RAD9B: variants seen among roughly 807,000 people sequenced by gnomAD.
RAD9B encodes the protein RAD9 checkpoint clamp component B.
RAD9B carries 41 observed loss-of-function variants against 48.3 expected under a neutral mutation model. That is an observed-to-expected ratio of 0.85 (90% CI 0.66 to 1.10). RAD9B has a LOEUF of 1.10. Among genes scored for constraint, RAD9B ranks in the 50% least tolerant of loss-of-function variants. The pLI is 0.00. For synonymous variants in RAD9B, 160 were observed against 157.9 expected (o/e 1.01, Z -0.10); for missense variants, 444 against 485.1 (o/e 0.92, Z 0.80).
At position 110,531,954 on chromosome 12, in the gene RAD9B, G is replaced by A. The variant is rs979928093; in HGVS notation, c.*1301G>A. On this transcript the variant is annotated 3_prime_UTR_variant, in exon 11 of 11. Transcript: ENST00000409300. ...GACTTTGTGAGAAATTCATAAAGGT[G>A]GCTGAGTGGATTTGCATGCTTTAGA... 7 of 287,928 alleles carry A rather than the reference G, an allele frequency of 2.4e-5. No individual in the cohort carries two copies. Among genetic ancestry groups the A allele is most frequent in the South Asian group, 9.5e-5 (2 of 20,976 alleles). 17.8% of individuals were successfully genotyped at this position (287,928 alleles called of 1,614,324 possible).
At chr12:110,527,105 G>A (rs779193165) in intron 10 of RAD9B, among the ~76,000 whole-genome samples, 2 of 152,108 alleles carry the variant, frequency 1.3e-5, no homozygotes, top group South Asian at 2.1e-4. Flanking sequence ...TCAGAGCTGT[G>A]TTCCCTTCAG....
In RAD9B at chr12:110,531,361, T is replaced by A. The variant is rs777774933; in HGVS notation, c.*708T>A. On this transcript the variant is annotated 3_prime_UTR_variant, in exon 11 of 11. Coordinates refer to ENST00000409300, the MANE Select transcript of RAD9B (RefSeq NM_001286535.2). The stretch of plus-strand genomic sequence containing the variant: ...GTGCGTGCCACCATGCCTGGCTAAT[T>A]TCTGGTATTTTGTAGAGACAGGGTT... 89 of 425,050 alleles carry A rather than the reference T, an allele frequency of 2.1e-4. No individual in the cohort carries two copies. Among genetic ancestry groups the A allele is most frequent in the Non-Finnish European group, 3.3e-4 (82 of 245,712 alleles). The allele number at this position is 425,050 out of a possible 1,614,324, so 26.3% of individuals were successfully genotyped here.
Position 110,533,260 on chromosome 12 carries a change from T to C in RAD9B, c.*2607T>C, listed in dbSNP as rs1382885927. ...AGCACACAGATTAGTATAAATACTA[T>C]ATTTATTAAATATCTTTACAGTTTA... is the stretch of plus-strand genomic sequence containing the variant. On this transcript the variant is annotated 3_prime_UTR_variant, in exon 11 of 11. Coordinates refer to ENST00000409300, the MANE Select transcript of RAD9B (RefSeq NM_001286535.2). The C allele has an allele frequency of 6.6e-6, 1 of 152,230 alleles. No homozygotes were observed. Among genetic ancestry groups the C allele is most frequent in the Admixed American group, 6.5e-5 (1 of 15,280 alleles). The allele number at this position is 152,230 out of a possible 1,614,324, so 9.4% of individuals were successfully genotyped here.
intron 5 of RAD9B, 89 bp from the exon 6 acceptor site, chr12:110,514,961 C>G (rs935706099): frequency 2.7e-6 from 2 of 753,696 alleles, no homozygotes; most frequent in Non-Finnish European, 4.1e-6. Context: ...TTATTTATTT[C>G]CAGATTAGAG....
rs1460293014 is a variant in RAD9B at position 110,512,762 on chromosome 12, G to C, written c.389-17G>C. ...TTGTACTTAAAATTATTAAGAGGTG[G>C]CTTTATTCTTTTTAAGGTATTAAAA... On this transcript the variant is annotated splice_polypyrimidine_tract_variant and intron_variant, in intron 4 of 10. Transcript: ENST00000409300. The C allele has an allele frequency of 5.0e-6, 5 of 991,558 alleles. No individual in the cohort carries two copies. Among genetic ancestry groups the C allele is most frequent in the Non-Finnish European group, 6.1e-6 (4 of 658,228 alleles). 61.4% of individuals were successfully genotyped at this position (991,558 alleles called of 1,614,324 possible).
chr12:110,530,492 G>T, intron 10 of RAD9B, 33 bp from the exon 11 acceptor site: 2 of 1,609,928 alleles, frequency 1.2e-6, no homozygotes, highest in Non-Finnish European at 8.5e-7. Context: ...TTTCTCTTTG[G>T]AATCAACAAT....
chr12:110,526,083 T>C (rs956200581), intron 10 of RAD9B, among the ~76,000 whole-genome samples: 4 of 152,094 alleles, frequency 2.6e-5, no homozygotes, highest in Non-Finnish European at 4.4e-5. Context: ...GTGATCCACC[T>C]GCCTTGGCCT....
Position 110,522,274 on chromosome 12 carries a change from G to C in RAD9B, c.988G>C (p.Glu330Gln). ...KAAPRRLYPK[E>Q]TLTNISALEN... ...AGCACCAAGAAGGCTTTATCCTAAG[G>C]AGACTCTCACAAACATATCTGCATT... Residue 330 changes from glutamate (E) to glutamine (Q), a missense_variant, in exon 10 of 11, where the codon GAG becomes CAG. Coordinates refer to ENST00000409300, the MANE Select transcript of RAD9B (RefSeq NM_001286535.2). 1 of 1,613,142 alleles carries C rather than the reference G, an allele frequency of 6.2e-7. No homozygotes were observed. The highest frequency in any genetic ancestry group is 8.5e-7 in the Non-Finnish European group (1 of 1,179,590).
intron 2 of RAD9B, among the ~76,000 whole-genome samples, chr12:110,504,238 G>A (rs2063193234): frequency 1.3e-5 from 2 of 151,518 alleles, no homozygotes; most frequent in South Asian, 4.2e-4. Context: ...GGAGGCCGAG[G>A]TGGGTGGATC....
Position 110,511,903 on chromosome 12 carries a change from G to A in RAD9B, c.389-876G>A, listed in dbSNP as rs2063471707. The stretch of plus-strand genomic sequence containing the variant: ...CGCTCTGTTGTCAGGCTGGAGTGCA[G>A]TGGCACGATCTCGGCTCACTGCAAC... On this transcript the variant is annotated intron_variant, in intron 4 of 10. Coordinates refer to ENST00000409300, the MANE Select transcript of RAD9B (RefSeq NM_001286535.2). 2.0e-5 allele frequency among the ~76,000 whole-genome samples: 3 copies of A among 151,898 alleles called. No homozygotes were observed. The South Asian group carries it at 6.2e-4, about 32-fold the overall frequency.
rs143082634 is a variant in RAD9B at position 110,528,734 on chromosome 12, GT to G, written c.1126-1786del. On this transcript the variant is annotated intron_variant, in intron 10 of 10. Coordinates refer to ENST00000409300, the MANE Select transcript of RAD9B (RefSeq NM_001286535.2). ...CAGTGAGGGAGAAGCTTTTTTTGTT[GT>G]TTTTGTTTGTTTGAGACAGTCTTGC... Among the ~76,000 whole-genome samples the G allele has an allele frequency of 3.3e-4, 50 of 152,194 alleles. No individual in the cohort carries two copies. In the East Asian group the frequency reaches 9.5e-3, roughly 29 times the overall value.
At chr12:110,511,445 G>C (rs1214382218) in intron 4 of RAD9B, 1 of 452,264 alleles carries the variant, frequency 2.2e-6, no homozygotes, top group Non-Finnish European at 4.4e-6. Flanking sequence ...GATGGAACTA[G>C]AGGTCACTAT....
At chr12:110,528,636 A>G (rs1224091409) in intron 10 of RAD9B, among the ~76,000 whole-genome samples, 1 of 152,220 alleles carries the variant, frequency 6.6e-6, no homozygotes, top group Non-Finnish European at 1.5e-5. Flanking sequence ...ACAAGTGGGG[A>G]GGACTGAAAA....
At position 110,519,871 on chromosome 12, in the gene RAD9B, G is replaced by C. The variant is rs374419387; in HGVS notation, c.845G>C (p.Arg282Thr). Residue 282 changes from arginine (R) to threonine (T), a missense_variant, in exon 9 of 11, where the codon AGA becomes ACA. By Grantham distance (71) the Arg-to-Thr change is moderately conservative. Transcript: ENST00000409300. ...GCCACATTAGCTGATGAACAAAGTA[G>C]AGCATCTTCACCACAGTCACTGTGT... ...ILATLADEQS[R>T]ASSPQSLCLS... The C allele has an allele frequency of 3.7e-6, 6 of 1,613,032 alleles. No homozygotes were observed. The African/African-American group carries it at 4.0e-5, about 11-fold the overall frequency.
intron 10 of RAD9B, among the ~76,000 whole-genome samples, chr12:110,529,936 T>C (rs1287163220): frequency 6.6e-6 from 1 of 152,176 alleles, no homozygotes; most frequent in East Asian, 1.9e-4. Flanking sequence ...GACCTCTGCC[T>C]CTCAGTTCTG....
intron 4 of RAD9B, 110 bp from the exon 5 acceptor site, chr12:110,512,669 G>A: frequency 1.7e-6 from 1 of 594,958 alleles, no homozygotes; most frequent in Non-Finnish European, 3.0e-6. Flanking sequence ...GCACTTGCCA[G>A]ATAGTAAATG....
chr12:110,523,463 A>G (rs180964491), intron 10 of RAD9B, among the ~76,000 whole-genome samples: 1 of 152,312 alleles, frequency 6.6e-6, no homozygotes, highest in African/African-American at 2.4e-5. Context: ...TACGCTGTAT[A>G]TGACTTTTAG....
chr12:110,528,887 C>G (rs2064031815), intron 10 of RAD9B, among the ~76,000 whole-genome samples: 1 of 152,120 alleles, frequency 6.6e-6, no homozygotes, highest in South Asian at 2.1e-4. Flanking sequence ...ATCACCACAC[C>G]CAGCTAATTT....
intron 4 of RAD9B, among the ~76,000 whole-genome samples, chr12:110,510,938 G>A (rs2063438859): frequency 6.6e-6 from 1 of 151,508 alleles, no homozygotes; most frequent in Non-Finnish European, 1.5e-5. Flanking sequence ...TTGGCAACAG[G>A]TTGAGACCCT....
Sources: gnomAD v4.1 joint callset for allele counts (sites outside exome capture counted in the v4.1 genomes callset) on GRCh38, gnomAD v4.1.1 for gene constraint, MANE v1.5 for transcripts, NCBI Gene and HGNC (gene_info 2026-07-23, HGNC 2026-07-21) for gene names.